Variants in OSBPL1A observed in about 807,000 individuals in gnomAD.
OSBPL1A encodes the protein oxysterol-binding protein-related protein 1.
A neutral mutation model predicts 137.1 loss-of-function variants in OSBPL1A; 80 were observed. That is an observed-to-expected ratio of 0.58 (90% confidence interval 0.49 to 0.70). OSBPL1A has a LOEUF of 0.70. Ranked by LOEUF, OSBPL1A falls within the 30% of genes least tolerant of loss-of-function variation. OSBPL1A has a pLI of 0.00. For missense variants in OSBPL1A, 970 were observed against 1,129.4 expected, an observed-to-expected ratio of 0.86 and a Z score of 2.02; for synonymous variants, 365 against 389.7, an observed-to-expected ratio of 0.94 and a Z score of 0.75.
chr18:24,341,403 A>T, intron 5 of OSBPL1A, 144 bp downstream of exon 5: 1 of 610,678 alleles, frequency 1.6e-6, no homozygotes, highest in Non-Finnish European at 2.9e-6. Context: ...TTGTGTGTTT[A>T]ATCAATGACT....
At chr18:24,198,535 C>T (rs941976512) in intron 17 of OSBPL1A, among the ~76,000 whole-genome samples, 1 of 152,070 alleles carries the variant, frequency 6.6e-6, no homozygotes, top group African/African-American at 2.4e-5. Flanking sequence ...GGTAAACAGC[C>T]GTTACAGAGC....
At position 24,312,321 on chromosome 18, in the gene OSBPL1A, A is replaced by T. The variant is rs140744266; in HGVS notation, c.970-215T>A. On this transcript the variant is annotated intron_variant, in intron 12 of 27. Transcript: ENST00000319481. ...TTTTCCTAGTACTTTAAAAAATATC[A>T]TCTATAAGTTTACATATTCATGAAT... Among the ~76,000 whole-genome samples the T allele has an allele frequency of 4.5e-3, 689 of 152,330 alleles. 2 individuals carry two copies. Among genetic ancestry groups the T allele is most frequent in the African/African-American group, 0.015 (644 of 41,580 alleles).
chr18:24,243,447 T>C (rs889998313), intron 15 of OSBPL1A, among the ~76,000 whole-genome samples: 1 of 152,210 alleles, frequency 6.6e-6, no homozygotes, highest in Non-Finnish European at 1.5e-5. Flanking sequence ...TATCTTTAAA[T>C]ATAAGAATTA....
chr18:24,383,941 C>A (rs1428372925), intron 1 of OSBPL1A, among the ~76,000 whole-genome samples: 1 of 152,160 alleles, frequency 6.6e-6, no homozygotes, highest in African/African-American at 2.4e-5. Flanking sequence ...ATGGTCCCTG[C>A]CCTCCAGAAC....
At chr18:24,200,860 TTAGG>T (rs1257244554) in intron 17 of OSBPL1A, among the ~76,000 whole-genome samples, 2 of 151,982 alleles carry the variant, frequency 1.3e-5, no homozygotes, top group Non-Finnish European at 2.9e-5. Flanking sequence ...TAAAAAAAAA[TTAGG>T]TAGGAGATTC....
chr18:24,302,810 C>G (rs2090427925), intron 14 of OSBPL1A: 1 of 152,134 alleles, frequency 6.6e-6, no homozygotes, highest in South Asian at 2.1e-4. Flanking sequence ...TAATAATTAG[C>G]TAGACAAGAT....
intron 2 of OSBPL1A, among the ~76,000 whole-genome samples, chr18:24,376,985 A>C (rs896297842): frequency 3.3e-5 from 5 of 152,206 alleles, no homozygotes; most frequent in Admixed American, 2.0e-4. Context: ...ACCTCCCTGC[A>C]AGCCGAGGGA....
At chr18:24,361,175 G>A (rs539416669) in intron 4 of OSBPL1A, among the ~76,000 whole-genome samples, 1 of 152,182 alleles carries the variant, frequency 6.6e-6, no homozygotes, top group Admixed American at 6.5e-5. Flanking sequence ...GACTACAGAT[G>A]CATGCTACCA....
intron 7 of OSBPL1A, among the ~76,000 whole-genome samples, chr18:24,324,116 A>G (rs2090922366): frequency 1.3e-5 from 1 of 77,564 alleles, no homozygotes; most frequent in African/African-American, 7.0e-5. Context: ...CCAGCTACTC[A>G]GGAGGCTGAG....
At chr18:24,201,500 T>C (rs924859549) in intron 17 of OSBPL1A, among the ~76,000 whole-genome samples, 5 of 152,214 alleles carry the variant, frequency 3.3e-5, no homozygotes, top group African/African-American at 9.6e-5. Context: ...CAGTGGCTCA[T>C]GCCTGTAATC....
intron 2 of OSBPL1A, among the ~76,000 whole-genome samples, chr18:24,372,569 T>C (rs1227759234): frequency 6.6e-6 from 1 of 152,180 alleles, no homozygotes; most frequent in Non-Finnish European, 1.5e-5. Context: ...AGCACCTTCC[T>C]GCTTTCTCCT....
At chr18:24,380,927 G>A (rs558564261) in intron 1 of OSBPL1A, among the ~76,000 whole-genome samples, 15 of 147,228 alleles carry the variant, frequency 1.0e-4, no homozygotes, top group South Asian at 2.1e-4. Flanking sequence ...ACTCCAGCCC[G>A]GGCAATAAGA....
chr18:24,390,498 C>T (rs1907257910), intron 1 of OSBPL1A, among the ~76,000 whole-genome samples: 1 of 152,142 alleles, frequency 6.6e-6, no homozygotes, highest in South Asian at 2.1e-4. Context: ...TCGAGACCAG[C>T]CTGGCCAACA....
chr18:24,339,638 C>T (rs7234486), intron 5 of OSBPL1A, among the ~76,000 whole-genome samples: 11,255 of 152,240 alleles, frequency 0.074, 468 homozygotes, highest in Middle Eastern at 0.11. Context: ...GGGTTCTCTT[C>T]TTGTTATAAT....
At chr18:24,377,057 G>A (rs535535022) in intron 2 of OSBPL1A, among the ~76,000 whole-genome samples, 1 of 152,216 alleles carries the variant, frequency 6.6e-6, no homozygotes, top group Non-Finnish European at 1.5e-5. Context: ...GGGCTGAAGG[G>A]CTCCTCAAGT....
intron 7 of OSBPL1A, among the ~76,000 whole-genome samples, chr18:24,332,304 T>C (rs1470718316): frequency 2.1e-5 from 3 of 141,164 alleles, no homozygotes; most frequent in Non-Finnish European, 4.5e-5. Context: ...AAGAATCACT[T>C]GAACCCAGGA....
chr18:24,228,082 T>G (rs1005183151), intron 16 of OSBPL1A, among the ~76,000 whole-genome samples: 2 of 152,042 alleles, frequency 1.3e-5, no homozygotes, highest in Non-Finnish European at 2.9e-5. Context: ...TTCAACTCAG[T>G]GACTACATAA....
chr18:24,353,253 C>A (rs8088869), intron 4 of OSBPL1A, among the ~76,000 whole-genome samples: 8 of 151,886 alleles, frequency 5.3e-5, no homozygotes, highest in African/African-American at 1.7e-4. Flanking sequence ...AAAAAGTGGG[C>A]GAAGGAGATG....
chr18:24,222,608 A>G (rs1156855426), intron 17 of OSBPL1A, among the ~76,000 whole-genome samples: 3 of 152,272 alleles, frequency 2.0e-5, no homozygotes, highest in South Asian at 4.1e-4. Flanking sequence ...CTGGAAAAAA[A>G]GTACCACAGA....
Sources: allele counts gnomAD v4.1 joint callset (sites outside exome capture counted in the v4.1 genomes callset), GRCh38; gene constraint gnomAD v4.1.1; transcripts MANE v1.5; gene names NCBI Gene and HGNC (gene_info 2026-07-23, HGNC 2026-07-21).